IFT80: variants seen among roughly 807,000 people sequenced by gnomAD.
IFT80 encodes intraflagellar transport 80, also known as intraflagellar transport protein 80 homolog.
A neutral mutation model predicts 107.9 loss-of-function variants in IFT80; 79 were observed. That is an observed-to-expected ratio of 0.73 (90% CI 0.61 to 0.88). The LOEUF (loss-of-function observed/expected upper bound fraction) is 0.88, where lower values mean the gene tolerates loss of function less well. Ranked by LOEUF, IFT80 falls within the 40% of genes least tolerant of loss-of-function variation. The probability of loss-of-function intolerance (pLI) is 0.00; values close to 1 mark genes in which losing one functional copy is unlikely to be tolerated. For synonymous variants in IFT80, 299 were observed against 300.9 expected, an observed-to-expected ratio of 0.99 and a Z score of 0.07; for missense variants, 797 against 914.2, an observed-to-expected ratio of 0.87 and a Z score of 1.65.
At chr3:160,290,423 A>C (rs532629274) in intron 12 of IFT80, among the ~76,000 whole-genome samples, 2 of 150,808 alleles carry the variant, frequency 1.3e-5, no homozygotes, top group Admixed American at 6.6e-5. Flanking sequence ...GAAAAAAAAA[A>C]AGAAAAAAAA....
intron 11 of IFT80, among the ~76,000 whole-genome samples, chr3:160,301,628 A>ATT (rs934937540): frequency 2.0e-5 from 3 of 151,886 alleles, no homozygotes; most frequent in African/African-American, 7.2e-5. Context: ...AAAAACACCT[A>ATT]TTTTTTTGCC....
intron 9 of IFT80, among the ~76,000 whole-genome samples, chr3:160,312,574 TATATATATA>T (rs1243266844): frequency 1.9e-5 from 2 of 103,718 alleles, no homozygotes; most frequent in East Asian, 4.7e-4. Flanking sequence ...ATGAGTCTTA[TATATATATA>T]ATATATATAA....
intron 9 of IFT80, among the ~76,000 whole-genome samples, chr3:160,315,536 T>C (rs1349100154): frequency 6.6e-6 from 1 of 152,198 alleles, no homozygotes; most frequent in Non-Finnish European, 1.5e-5. Flanking sequence ...GACTCAGTTC[T>C]CAAGCTTACC....
intron 1 of IFT80, among the ~76,000 whole-genome samples, chr3:160,389,665 A>G (rs571547108): frequency 3.3e-5 from 5 of 151,782 alleles, no homozygotes; most frequent in East Asian, 3.9e-4. Flanking sequence ...TGAACTCATC[A>G]TTTTTTATGG....
intron 14 of IFT80, 90 bp from the exon 15 acceptor site, chr3:160,280,904 A>G: frequency 8.7e-7 from 1 of 1,155,536 alleles, no homozygotes; most frequent in South Asian, 1.3e-5. Context: ...ACAAAATCCC[A>G]TACAATTTCT....
At chr3:160,283,318 A>C (rs1714835087) in intron 13 of IFT80, among the ~76,000 whole-genome samples, 1 of 152,248 alleles carries the variant, frequency 6.6e-6, no homozygotes, top group South Asian at 2.1e-4. Flanking sequence ...ATTCAAACCA[A>C]GCAAGATTTA....
intron 12 of IFT80, among the ~76,000 whole-genome samples, chr3:160,288,624 A>C (rs1296090867): frequency 2.0e-5 from 3 of 152,334 alleles, no homozygotes; most frequent in Non-Finnish European, 4.4e-5. Context: ...ATCTATAAGG[A>C]ACTTAACAAA....
intron 8 of IFT80, among the ~76,000 whole-genome samples, chr3:160,344,681 C>T (rs1354026078): frequency 6.6e-6 from 1 of 152,094 alleles, no homozygotes; most frequent in Non-Finnish European, 1.5e-5. Flanking sequence ...AAGATATCTG[C>T]AAACTACCCA....
At chr3:160,393,923 T>C (rs998782559) in intron 1 of IFT80, among the ~76,000 whole-genome samples, 9 of 152,170 alleles carry the variant, frequency 5.9e-5, no homozygotes, top group East Asian at 1.9e-4. Context: ...TACTAGTTAA[T>C]AGAGAAAGCA....
chr3:160,376,178 A>G (rs751914797), intron 4 of IFT80, among the ~76,000 whole-genome samples: 4 of 152,202 alleles, frequency 2.6e-5, no homozygotes, highest in African/African-American at 7.2e-5. Flanking sequence ...TATTACTCAA[A>G]TAATGTTTCC....
At position 160,390,798 on chromosome 3, in the gene IFT80, T is replaced by A. The variant is rs7628815; in HGVS notation, c.-46-6152A>T. On this transcript the variant is annotated intron_variant, in intron 1 of 19. Transcript: ENST00000326448. ...GGCTATTATAATATCATCAACCTAC[T>A]GGCCCAATCTGGATTTTATATTCTG... Among the ~76,000 whole-genome samples, 63 of 152,316 alleles carry A rather than the reference T, an allele frequency of 4.1e-4. 5 individuals are homozygous for A. Among genetic ancestry groups the A allele is most frequent in the Admixed American group, 2.8e-3 (43 of 15,302 alleles).
At chr3:160,323,835 C>T (rs1053236085) in intron 8 of IFT80, among the ~76,000 whole-genome samples, 18 of 151,858 alleles carry the variant, frequency 1.2e-4, no homozygotes, top group Non-Finnish European at 2.1e-4. Flanking sequence ...TTAATGAATC[C>T]AGGAGTTGGT....
At chr3:160,262,804 G>A (rs1286403760) in intron 19 of IFT80, among the ~76,000 whole-genome samples, 2 of 152,032 alleles carry the variant, frequency 1.3e-5, no homozygotes, top group African/African-American at 4.8e-5. Context: ...CATATTTTGG[G>A]GTGTCATATT....
At chr3:160,271,412 T>C (rs953241665) in intron 18 of IFT80, among the ~76,000 whole-genome samples, 1 of 152,208 alleles carries the variant, frequency 6.6e-6, no homozygotes. Flanking sequence ...GAAATCACTT[T>C]GTATAACTGA....
At chr3:160,323,673 C>T (rs2108304737) in intron 8 of IFT80, among the ~76,000 whole-genome samples, 1 of 151,946 alleles carries the variant, frequency 6.6e-6, no homozygotes, top group African/African-American at 2.4e-5. Context: ...ACAAGAGAAG[C>T]AGGAAAGATC....
intron 1 of IFT80, among the ~76,000 whole-genome samples, chr3:160,393,753 T>C (rs1392995181): frequency 1.3e-5 from 2 of 152,176 alleles, no homozygotes. Context: ...AAATTTTAGA[T>C]GATAAACAGG....
intron 8 of IFT80, among the ~76,000 whole-genome samples, chr3:160,337,012 C>T (rs1244181715): frequency 1.3e-5 from 2 of 152,096 alleles, no homozygotes; most frequent in Admixed American, 1.3e-4. Context: ...AGTAATAACC[C>T]TTTTATTACC....
At chr3:160,388,525 T>C (rs1713114545) in intron 1 of IFT80, among the ~76,000 whole-genome samples, 1 of 150,426 alleles carries the variant, frequency 6.6e-6, no homozygotes, top group Admixed American at 6.6e-5. Context: ...CTCAGAAAGA[T>C]GTCATGTCCT....
chr3:160,272,065 A>G (rs1045922138), intron 18 of IFT80, among the ~76,000 whole-genome samples: 1 of 152,144 alleles, frequency 6.6e-6, no homozygotes, highest in African/African-American at 2.4e-5. Context: ...CAAAGATCCA[A>G]TAATGTCCAC....
Sources: gnomAD v4.1 joint callset for allele counts (sites outside exome capture counted in the v4.1 genomes callset) on GRCh38, gnomAD v4.1.1 for gene constraint, MANE v1.5 for transcripts, NCBI Gene and HGNC (gene_info 2026-07-23, HGNC 2026-07-21) for gene names.